XIRP2: variants seen among roughly 807,000 people sequenced by gnomAD.
XIRP2 encodes the protein xin actin-binding repeat-containing protein 2.
XIRP2 carries 236 observed loss-of-function variants against 277.0 expected under a neutral mutation model. The observed-to-expected ratio is 0.85, with a 90% confidence interval of 0.77 to 0.95. The LOEUF (loss-of-function observed/expected upper bound fraction) is 0.95. Ranked by LOEUF, XIRP2 falls within the 40% of genes least tolerant of loss-of-function variation. XIRP2 has a pLI of 0.00. For synonymous variants in XIRP2, 1,490 were observed against 1,416.5 expected (o/e 1.05, Z -1.17); for missense variants, 4,640 against 4,157.5 (o/e 1.12, Z -3.19).
chr2:166,953,712 C>T (rs566769504), intron 2 of XIRP2, among the ~76,000 whole-genome samples: 1 of 151,914 alleles, frequency 6.6e-6, no homozygotes, highest in South Asian at 2.1e-4. Flanking sequence ...GAGCTACTAC[C>T]TCTGGTGCAC....
rs1685246236 is a variant in XIRP2 at position 166,928,499 on chromosome 2, C to T, written c.408+24609C>T. Among the ~76,000 whole-genome samples the T allele has an allele frequency of 2.6e-5, 4 of 152,072 alleles. No individual in the cohort carries two copies. In the South Asian group the frequency reaches 8.3e-4, roughly 31 times the overall value. ...TTTTCACTTTACAAATTCTTCAAGC[C>T]TCCTTAAATTACTGATGACTGATGA... On this transcript the variant is annotated intron_variant, in intron 2 of 10. Coordinates refer to ENST00000409195, the MANE Select transcript of XIRP2 (RefSeq NM_152381.6).
intron 2 of XIRP2, among the ~76,000 whole-genome samples, chr2:167,041,000 G>A (rs1265231098): frequency 2.0e-5 from 3 of 152,186 alleles, no homozygotes; most frequent in Admixed American, 1.3e-4. Flanking sequence ...GCATTTGCCA[G>A]CATCCTCCAT....
At chr2:167,257,833 A>C in intron 10 of XIRP2, 24 bp from the exon 11 acceptor site, 1 of 1,570,956 alleles carries the variant, frequency 6.4e-7, no homozygotes, top group Non-Finnish European at 8.6e-7. Flanking sequence ...ACGAACTGCT[A>C]AGTGTTCTTT....
intron 2 of XIRP2, among the ~76,000 whole-genome samples, chr2:167,042,238 C>G (rs1688676062): frequency 6.6e-5 from 10 of 152,144 alleles, no homozygotes; most frequent in Admixed American, 6.5e-4. Flanking sequence ...CAAAAACACA[C>G]TTAAGTACAT....
chr2:167,140,108 C>G lies in XIRP2; in HGVS notation c.562+4046C>G, dbSNP rs550153008. Reference sequence around the variant, plus strand: ...AATAATTCACATATTAAAAACTTGTCTTCGAGAACTAGGGATGATCTCCTC... The same window carrying G: ...AATAATTCACATATTAAAAACTTGTGTTCGAGAACTAGGGATGATCTCCTC... On this transcript the variant is annotated intron_variant, in intron 3 of 10. Coordinates refer to ENST00000409195, the MANE Select transcript of XIRP2 (RefSeq NM_152381.6). Among the ~76,000 whole-genome samples, 4 of 152,278 alleles carry G rather than the reference C, an allele frequency of 2.6e-5. No homozygotes were observed. In the East Asian group the frequency reaches 7.7e-4, roughly 29 times the overall value.
rs375537208 is a variant in XIRP2 at position 166,956,150 on chromosome 2, A to G, written c.408+52260A>G. On this transcript the variant is annotated intron_variant, in intron 2 of 10. Transcript: ENST00000409195. ...CTGGGAGAGAGAAAGTGACACAACT[A>G]TATGCTTTGCTGTTTGTGTGTGAAA... 6.9e-4 allele frequency among the ~76,000 whole-genome samples: 105 copies of G among 151,842 alleles called. 1 individual carries two copies. The highest frequency in any genetic ancestry group is 2.5e-3 in the African/African-American group (103 of 41,484).
intron 2 of XIRP2, among the ~76,000 whole-genome samples, chr2:167,022,777 A>G (rs914905958): frequency 6.6e-6 from 1 of 152,012 alleles, no homozygotes; most frequent in African/African-American, 2.4e-5. Context: ...AAGGACATGA[A>G]CTCATCCTTT....
chr2:167,156,059 CA>C (rs1323177521), intron 3 of XIRP2, among the ~76,000 whole-genome samples: 6 of 150,978 alleles, frequency 4.0e-5, no homozygotes, highest in African/African-American at 1.5e-4. Context: ...AGGACCTCTT[CA>C]AGGAGAACTA....
intron 2 of XIRP2, among the ~76,000 whole-genome samples, chr2:167,013,203 G>C (rs538952702): frequency 8.6e-5 from 13 of 151,318 alleles, no homozygotes; most frequent in African/African-American, 2.9e-4. Flanking sequence ...CTGTTCACCT[G>C]TACAAGGACT....
intron 1 of XIRP2, among the ~76,000 whole-genome samples, chr2:166,893,735 A>G (rs138236635): frequency 0.014 from 2,086 of 152,268 alleles, 46 homozygotes; most frequent in African/African-American, 0.045. Context: ...CAGTCTTGCC[A>G]TGCTTAAAAC....
At chr2:166,945,663 C>CTTTTTTTTTT (rs71395267) in intron 2 of XIRP2, among the ~76,000 whole-genome samples, 1 of 69,264 alleles carries the variant, frequency 1.4e-5, no homozygotes, top group Non-Finnish European at 2.5e-5. Flanking sequence ...TAAGATAAAT[C>CTTTTTTTTTT]TTTTTTTTTT....
rs545830908 is a variant in XIRP2 at position 166,953,282 on chromosome 2, G to A, written c.408+49392G>A. On this transcript the variant is annotated intron_variant, in intron 2 of 10. Coordinates refer to ENST00000409195, the MANE Select transcript of XIRP2 (RefSeq NM_152381.6). ...GAATTGTAGCTCCCATAATTCCCTC[G>A]TGTGGTGGGAGGGACCTGGTGAAAG... 4.6e-5 allele frequency among the ~76,000 whole-genome samples: 7 copies of A among 151,982 alleles called. No individual in the cohort carries two copies. In the East Asian group the frequency reaches 7.8e-4, roughly 17 times the overall value.
In XIRP2 at chr2:167,258,986, A is replaced by T. The variant is rs750446972; in HGVS notation, c.*1169A>T. ...TATGGTAAAGGGGGGAAGTTCAATC[A>T]TCTCTCCTGATACAAATCTCTTAAA... is the stretch of plus-strand genomic sequence containing the variant. On this transcript the variant is annotated 3_prime_UTR_variant, in exon 11 of 11. Transcript: ENST00000409195. 1.2e-6 allele frequency: 2 copies of T among 1,611,796 alleles called. No individual in the cohort carries two copies. The highest frequency in any genetic ancestry group is 2.2e-5 in the South Asian group (2 of 90,846).
chr2:167,190,137 T>C (rs67485531), intron 3 of XIRP2, among the ~76,000 whole-genome samples: 35,613 of 152,122 alleles, frequency 0.23, 4,859 homozygotes, highest in African/African-American at 0.38. Context: ...TCTAACGAGC[T>C]ATCCCCAGCA....
intron 2 of XIRP2, among the ~76,000 whole-genome samples, chr2:166,964,633 A>T (rs560441771): frequency 6.6e-6 from 1 of 151,952 alleles, no homozygotes; most frequent in African/African-American, 2.4e-5. Flanking sequence ...TACCAGCCTA[A>T]TACACATATG....
chr2:167,229,843 A>T (rs563078637), intron 5 of XIRP2, among the ~76,000 whole-genome samples: 17 of 152,266 alleles, frequency 1.1e-4, no homozygotes, highest in Admixed American at 9.2e-4. Context: ...ATTTTTGCCT[A>T]GCTTCTTCAC....
At chr2:167,158,313 G>T (rs955504949) in intron 3 of XIRP2, among the ~76,000 whole-genome samples, 4 of 152,160 alleles carry the variant, frequency 2.6e-5, no homozygotes, top group Non-Finnish European at 5.9e-5. Flanking sequence ...GTTGAAAGAT[G>T]TTCAGTGTAT....
At position 167,006,999 on chromosome 2, in the gene XIRP2, T is replaced by C. The variant is rs564774066; in HGVS notation, c.408+103109T>C. Among the ~76,000 whole-genome samples the C allele has an allele frequency of 1.5e-4, 23 of 151,784 alleles. 1 individual carries two copies. The South Asian group carries it at 4.6e-3, about 30-fold the overall frequency. On this transcript the variant is annotated intron_variant, in intron 2 of 10. Transcript: ENST00000409195. ...GGATTGCAGAATTAAAACCCTCAGA[T>C]ATACCATACTAAAGGAAAAGCACCT... is the stretch of plus-strand genomic sequence containing the variant.
chr2:167,258,472 G>A lies in XIRP2; in HGVS notation c.*655G>A, dbSNP rs376654433. ...GAAGGAAGAATGTGCAAGATAGGCC[G>A]AGTGAAGCTGAAGACACAAAGAGTA... On this transcript the variant is annotated 3_prime_UTR_variant, in exon 11 of 11. Coordinates refer to ENST00000409195, the MANE Select transcript of XIRP2 (RefSeq NM_152381.6). 632 of 1,613,118 alleles carry A rather than the reference G, an allele frequency of 3.9e-4. 4 individuals are homozygous for A. In the South Asian group the frequency reaches 6.0e-3, roughly 15 times the overall value.
Sources: gnomAD v4.1 joint callset for allele counts (sites outside exome capture counted in the v4.1 genomes callset) on GRCh38, gnomAD v4.1.1 for gene constraint, MANE v1.5 for transcripts, NCBI Gene and HGNC (gene_info 2026-07-23, HGNC 2026-07-21) for gene names.